The following HERC3 variants were observed in gnomAD, a reference collection of about 807,000 sequenced individuals.
The protein encoded by HERC3 is probable E3 ubiquitin-protein ligase HERC3.
HERC3 carries 58 observed loss-of-function variants against 129.9 expected under a neutral mutation model. The ratio of observed to expected loss-of-function variants is 0.45; its 90% CI spans 0.36 to 0.56. The LOEUF (loss-of-function observed/expected upper bound fraction) is 0.56, where lower values mean the gene tolerates loss of function less well. HERC3 is among the 20% of genes least tolerant of loss of function. The pLI is 0.00. For missense variants in HERC3, 835 were observed against 1,244.2 expected (o/e 0.67, Z 4.95); for synonymous variants, 430 against 451.0 (o/e 0.95, Z 0.59).
intron 4 of HERC3, 68 bp downstream of exon 4, chr4:88,650,067 G>A (rs920446738): frequency 1.4e-6 from 2 of 1,477,800 alleles, no homozygotes; most frequent in Non-Finnish European, 1.9e-6. Context: ...TAGACTCCTT[G>A]TTTTTCTTCT....
intron 1 of HERC3, among the ~76,000 whole-genome samples, chr4:88,594,101 A>G (rs10084938): frequency 0.048 from 7,298 of 152,334 alleles, 227 homozygotes; most frequent in Middle Eastern, 0.15. Context: ...TTAGCACATT[A>G]GCACTAGCAT....
At chr4:88,552,951 C>T in the HERC3 span, among the ~76,000 whole-genome samples, 1 of 152,298 alleles carries the variant, frequency 6.6e-6, no homozygotes, top group Admixed American at 6.5e-5. Context: ...TCAGAAACAG[C>T]TCATCTTTAG....
chr4:88,537,183 T>C, the HERC3 span, among the ~76,000 whole-genome samples: 2 of 152,188 alleles, frequency 1.3e-5, no homozygotes, highest in Non-Finnish European at 2.9e-5. Context: ...AATTTCACCA[T>C]TTGTTCCCTT....
the HERC3 span, among the ~76,000 whole-genome samples, chr4:88,585,524 T>C: frequency 6.6e-6 from 1 of 151,820 alleles, no homozygotes; most frequent in Non-Finnish European, 1.5e-5. Flanking sequence ...TTTGCTTTTT[T>C]TTTTTTTTTT....
the HERC3 span, among the ~76,000 whole-genome samples, chr4:88,582,248 A>C: frequency 4.1e-4 from 63 of 152,290 alleles, no homozygotes; most frequent in East Asian, 0.012. Context: ...TTTTAATGTC[A>C]AGATTTCCTT....
chr4:88,667,834 A>G, intron 13 of HERC3, 58 bp from the exon 14 acceptor site: 1 of 1,282,534 alleles, frequency 7.8e-7, no homozygotes, highest in Non-Finnish European at 1.1e-6. Context: ...GAACTTAGAG[A>G]AAGTTAACTA....
chr4:88,542,179 AATAG>A, the HERC3 span, among the ~76,000 whole-genome samples: 3 of 152,330 alleles, frequency 2.0e-5, no homozygotes, highest in South Asian at 6.2e-4. Context: ...AAATCAGCAA[AATAG>A]ATAGACATTA....
At chr4:88,618,546 G>GT (rs371349319) in intron 3 of HERC3, among the ~76,000 whole-genome samples, 200 of 152,282 alleles carry the variant, frequency 1.3e-3, no homozygotes, top group African/African-American at 4.5e-3. Context: ...TAAAGAGCTG[G>GT]TTTTTTTATT....
intron 12 of HERC3, 32 bp from the exon 13 acceptor site, chr4:88,667,345 T>A (rs1388111831): frequency 8.1e-7 from 1 of 1,232,626 alleles, no homozygotes; most frequent in Admixed American, 2.1e-5. Context: ...CTTTTTCTTT[T>A]ATTATATACC....
the HERC3 span, among the ~76,000 whole-genome samples, chr4:88,554,886 T>C: frequency 3.9e-5 from 6 of 152,200 alleles, no homozygotes; most frequent in Non-Finnish European, 5.9e-5. Flanking sequence ...AGGTACAGTG[T>C]TAATTTCCAG....
chr4:88,549,972 G>A, the HERC3 span, among the ~76,000 whole-genome samples: 1 of 152,180 alleles, frequency 6.6e-6, no homozygotes. Context: ...CCATAAAAGG[G>A]AAGAAAGTTT....
intron 23 of HERC3, chr4:88,697,325 ACTC>A (rs1455329093): frequency 6.3e-7 from 1 of 1,593,166 alleles, no homozygotes; most frequent in Non-Finnish European, 8.5e-7. Context: ...TCATCCTCGT[ACTC>A]CTCTTCCTCC....
Position 88,652,188 on chromosome 4 carries a change from C to T in HERC3, c.463+100C>T. The T allele has an allele frequency of 5.7e-6, 5 of 879,170 alleles. No individual in the cohort carries two copies. The South Asian group carries it at 6.9e-5, about 12-fold the overall frequency. The allele number at this position is 879,170 out of a possible 1,614,324, so 54.5% of individuals were successfully genotyped here. On this transcript the variant is annotated intron_variant, in intron 5 of 25. Transcript: ENST00000402738. ...TATCTAACTGAAAACTTTGAATTAACTGGTTAGGGTCTATGCATTGCTGTT... is the reference window on the plus strand; with the variant it reads ...TATCTAACTGAAAACTTTGAATTAATTGGTTAGGGTCTATGCATTGCTGTT...
chr4:88,693,888 T>C (rs532389881), intron 23 of HERC3, among the ~76,000 whole-genome samples: 1 of 152,346 alleles, frequency 6.6e-6, no homozygotes, highest in Admixed American at 6.5e-5. Flanking sequence ...TTATGAATGA[T>C]AGTGTTTGAC....
intron 4 of HERC3, 86 bp downstream of exon 4, chr4:88,650,085 T>G: frequency 2.2e-6 from 3 of 1,342,394 alleles, no homozygotes; most frequent in Non-Finnish European, 3.1e-6. Flanking sequence ...TCTGTTTTCT[T>G]CATTTAATTG....
At chr4:88,542,240 T>C in the HERC3 span, among the ~76,000 whole-genome samples, 1 of 151,840 alleles carries the variant, frequency 6.6e-6, no homozygotes, top group African/African-American at 2.4e-5. Context: ...ATAGATGCAA[T>C]AAAAAATGAT....
intron 3 of HERC3, among the ~76,000 whole-genome samples, chr4:88,637,544 A>G (rs111791406): frequency 1.9e-3 from 288 of 152,358 alleles, no homozygotes; most frequent in African/African-American, 6.5e-3. Flanking sequence ...TTTGAAACCA[A>G]TGAGAACAAA....
the HERC3 span, among the ~76,000 whole-genome samples, chr4:88,559,257 CAT>C: frequency 1.3e-4 from 20 of 152,254 alleles, no homozygotes; most frequent in South Asian, 1.0e-3. Flanking sequence ...TATTATTTCA[CAT>C]AGTTACTTTT....
chr4:88,636,967 T>G (rs373015430), intron 3 of HERC3, among the ~76,000 whole-genome samples: 11 of 152,058 alleles, frequency 7.2e-5, no homozygotes, highest in Admixed American at 2.6e-4. Context: ...CCATCTCTAC[T>G]AAAATACAAA....
Sources: allele counts gnomAD v4.1 joint callset (sites outside exome capture counted in the v4.1 genomes callset), GRCh38; gene constraint gnomAD v4.1.1; transcripts MANE v1.5; gene names NCBI Gene and HGNC (gene_info 2026-07-23, HGNC 2026-07-21).